Variants in EPHA3 observed in about 807,000 individuals in gnomAD.
EPHA3 encodes the protein EPH receptor A3.
A neutral mutation model predicts 107.1 loss-of-function variants in EPHA3; 42 were observed. The ratio of observed to expected loss-of-function variants is 0.39; its 90% CI spans 0.31 to 0.51. The LOEUF (loss-of-function observed/expected upper bound fraction) is 0.51. Among genes scored for constraint, EPHA3 ranks in the 20% least tolerant of loss-of-function variants. The probability of loss-of-function intolerance (pLI) is 0.78; values close to 1 mark genes in which losing one functional copy is unlikely to be tolerated. For missense variants in EPHA3, 1,183 were observed against 1,211.2 expected (o/e 0.98, Z 0.35); for synonymous variants, 461 against 424.8 (o/e 1.09, Z -1.05).
chr3:89,216,886 T>A (rs1704233831), intron 3 of EPHA3, among the ~76,000 whole-genome samples: 1 of 152,154 alleles, frequency 6.6e-6, no homozygotes, highest in Admixed American at 6.5e-5. Context: ...TTTAGTCAAC[T>A]TCTTCCAGCG....
intron 16 of EPHA3, among the ~76,000 whole-genome samples, chr3:89,475,192 GA>G (rs1250223923): frequency 6.6e-6 from 1 of 152,140 alleles, no homozygotes; most frequent in African/African-American, 2.4e-5. Context: ...TAAATATAAT[GA>G]GGCAACATTT....
Position 89,429,205 on chromosome 3 carries a change from A to G in EPHA3, c.2136+38A>G, listed in dbSNP as rs763144608. The G allele has an allele frequency of 8.6e-6, 13 of 1,516,958 alleles. No individual in the cohort carries two copies. In the South Asian group the frequency reaches 1.5e-4, roughly 17 times the overall value. 94.0% of individuals were successfully genotyped at this position (1,516,958 alleles called of 1,614,324 possible). On this transcript the variant is annotated intron_variant, in intron 12 of 16. Transcript: ENST00000336596. ...CACACACATACATATATATGAATAA[A>G]TTGCTGAAAACATTAGAGACACCCT...
At position 89,209,937 on chromosome 3, in the gene EPHA3, T is replaced by C; in HGVS notation, c.231T>C (p.Ser77=). The part of the protein sequence containing the change: ...TYQVCNVMDH[S]QNNWLRTNWV... ...AGGTGTGCAATGTCATGGACCACAG[T>C]CAAAACAATTGGCTGAGAACAAACT... The change falls in exon 3 of 17, where the codon AGT becomes AGC. Residue 77 remains serine (S), a synonymous_variant. Coordinates refer to ENST00000336596, the MANE Select transcript of EPHA3 (RefSeq NM_005233.6). The C allele has an allele frequency of 6.2e-7, 1 of 1,613,858 alleles. No individual in the cohort carries two copies. Among genetic ancestry groups the C allele is most frequent in the Non-Finnish European group, 8.5e-7 (1 of 1,179,910 alleles).
Position 89,107,797 on chromosome 3 carries a change from G to A in EPHA3, c.49G>A (p.Asp17Asn), listed in dbSNP as rs201110271. 9 of 1,614,124 alleles carry A rather than the reference G, an allele frequency of 5.6e-6. No homozygotes were observed. The highest frequency in any genetic ancestry group is 7.6e-6 in the Non-Finnish European group (9 of 1,180,034). ...ILLLLSCSVL[D>N]SFGELIPQPS... ...CCTCCTTCTCAGCTGCTCTGTTCTC[G>A]ACAGCTTCGGGGAACTGATTCCGCA... Residue 17 changes from aspartate (D) to asparagine (N), a missense_variant, in exon 1 of 17, where the codon GAC becomes AAC. Asp to Asn is a conservative substitution (Grantham distance 23). Coordinates refer to ENST00000336596, the MANE Select transcript of EPHA3 (RefSeq NM_005233.6).
chr3:89,247,374 T>C (rs1270443459), intron 3 of EPHA3, among the ~76,000 whole-genome samples: 3 of 152,186 alleles, frequency 2.0e-5, no homozygotes, highest in African/African-American at 7.2e-5. Flanking sequence ...AATAATATCA[T>C]GGCAAAGTTC....
chr3:89,132,725 A>G (rs1017756397), intron 2 of EPHA3, among the ~76,000 whole-genome samples: 8 of 152,024 alleles, frequency 5.3e-5, no homozygotes, highest in Non-Finnish European at 1.0e-4. Flanking sequence ...TCAATCAATC[A>G]ATCGATCAAT....
At chr3:89,353,587 A>C (rs1707880461) in intron 5 of EPHA3, among the ~76,000 whole-genome samples, 1 of 151,352 alleles carries the variant, frequency 6.6e-6, no homozygotes, top group Admixed American at 6.6e-5. Context: ...AAATCAAGGC[A>C]GATACCTGTG....
At chr3:89,445,927 G>A (rs537510276) in intron 13 of EPHA3, among the ~76,000 whole-genome samples, 4 of 152,162 alleles carry the variant, frequency 2.6e-5, no homozygotes, top group Non-Finnish European at 5.9e-5. Context: ...AAGGTCACCT[G>A]ATCAGCAAGT....
At chr3:89,313,457 A>G (rs1041510289) in intron 3 of EPHA3, among the ~76,000 whole-genome samples, 4 of 152,066 alleles carry the variant, frequency 2.6e-5, no homozygotes, top group African/African-American at 9.6e-5. Context: ...TTAGTTTAAC[A>G]AAATGATTAG....
At chr3:89,340,431 T>G (rs1707492829) in intron 3 of EPHA3, among the ~76,000 whole-genome samples, 1 of 152,212 alleles carries the variant, frequency 6.6e-6, no homozygotes, top group African/African-American at 2.4e-5. Context: ...ATCTTAAAAA[T>G]ATACGTGAAG....
intron 3 of EPHA3, among the ~76,000 whole-genome samples, chr3:89,243,157 A>T (rs575933807): frequency 6.6e-6 from 1 of 151,952 alleles, no homozygotes; most frequent in African/African-American, 2.4e-5. Context: ...TCTATCATTG[A>T]TGGACATTTG....
chr3:89,362,365 A>G (rs1708110714), intron 5 of EPHA3, among the ~76,000 whole-genome samples: 1 of 151,152 alleles, frequency 6.6e-6, no homozygotes, highest in Admixed American at 6.6e-5. Flanking sequence ...TGCAGTAACA[A>G]CTGCTGCCTA....
At chr3:89,184,709 C>T (rs1705521882) in intron 2 of EPHA3, among the ~76,000 whole-genome samples, 1 of 151,984 alleles carries the variant, frequency 6.6e-6, no homozygotes, top group Non-Finnish European at 1.5e-5. Flanking sequence ...GGAAGCAAAA[C>T]TCTTGAAATG....
chr3:89,204,661 A>G (rs1706058048), intron 2 of EPHA3, among the ~76,000 whole-genome samples: 1 of 150,194 alleles, frequency 6.7e-6, no homozygotes, highest in South Asian at 2.1e-4. Context: ...GAATGGGCTA[A>G]GGAAAACTAC....
At chr3:89,190,867 C>T (rs1220103991) in intron 2 of EPHA3, among the ~76,000 whole-genome samples, 2 of 152,130 alleles carry the variant, frequency 1.3e-5, no homozygotes, top group Non-Finnish European at 2.9e-5. Context: ...ATAAGGCCTC[C>T]GTAGTATCGA....
chr3:89,446,140 T>C (rs1488888151), intron 13 of EPHA3, among the ~76,000 whole-genome samples: 10 of 152,302 alleles, frequency 6.6e-5, no homozygotes, highest in Non-Finnish European at 1.2e-4. Flanking sequence ...TTTACACAGG[T>C]TACACAAATA....
intron 2 of EPHA3, among the ~76,000 whole-genome samples, chr3:89,199,063 C>T (rs536754778): frequency 2.0e-5 from 3 of 152,276 alleles, no homozygotes; most frequent in Admixed American, 6.5e-5. Flanking sequence ...CATTGTCCTA[C>T]TCTCTAATAC....
At chr3:89,438,138 T>G (rs1326960918) in intron 13 of EPHA3, among the ~76,000 whole-genome samples, 1 of 152,106 alleles carries the variant, frequency 6.6e-6, no homozygotes, top group Non-Finnish European at 1.5e-5. Flanking sequence ...AGATGGAGTC[T>G]CACTCTGTCG....
At chr3:89,198,763 A>G (rs4132274) in intron 2 of EPHA3, among the ~76,000 whole-genome samples, 2 of 152,138 alleles carry the variant, frequency 1.3e-5, no homozygotes. Context: ...GTAAATTGCT[A>G]TGAATTACTG....
Sources: allele counts gnomAD v4.1 joint callset (sites outside exome capture counted in the v4.1 genomes callset), GRCh38; gene constraint gnomAD v4.1.1; transcripts MANE v1.5; gene names NCBI Gene and HGNC (gene_info 2026-07-23, HGNC 2026-07-21).